MALRD1: variants seen among roughly 807,000 people sequenced by gnomAD.
MALRD1 encodes the protein MAM and LDL-receptor class A domain-containing protein 1.
In MALRD1, 247 loss-of-function variants were observed where a neutral mutation model predicts 242.1. The observed-to-expected ratio is 1.02, with a 90% CI of 0.92 to 1.13. The LOEUF is 1.13. MALRD1 is among the 50% of genes most tolerant of loss of function. MALRD1 has a pLI of 0.00. For synonymous variants in MALRD1, 995 were observed against 866.6 expected (o/e 1.15, Z -2.60); for missense variants, 2,989 against 2,533.1 (o/e 1.18, Z -3.86).
intron 32 of MALRD1, among the ~76,000 whole-genome samples, chr10:19,537,463 A>C (rs1472119616): frequency 2.6e-5 from 4 of 152,160 alleles, no homozygotes; most frequent in Non-Finnish European, 5.9e-5. Flanking sequence ...TTGTGACTTC[A>C]CATGATGGAA....
chr10:19,566,819 T>G (rs1422950291), intron 32 of MALRD1, among the ~76,000 whole-genome samples: 1 of 152,006 alleles, frequency 6.6e-6, no homozygotes, highest in Non-Finnish European at 1.5e-5. Flanking sequence ...TAATCTTAAC[T>G]TTTTTCTCAA....
intron 9 of MALRD1, among the ~76,000 whole-genome samples, chr10:19,134,676 C>T (rs1388119976): frequency 6.6e-6 from 1 of 152,178 alleles, no homozygotes; most frequent in Non-Finnish European, 1.5e-5. Context: ...CATTTTGACA[C>T]TATTTAATTT....
chr10:19,718,841 A>T (rs1328022668), intron 38 of MALRD1, among the ~76,000 whole-genome samples: 2 of 151,922 alleles, frequency 1.3e-5, no homozygotes, highest in Non-Finnish European at 2.9e-5. Flanking sequence ...GACTGACTCC[A>T]GTAATTTTAC....
chr10:19,325,756 A>G (rs1305451411), intron 22 of MALRD1, among the ~76,000 whole-genome samples: 1 of 152,102 alleles, frequency 6.6e-6, no homozygotes, highest in Non-Finnish European at 1.5e-5. Context: ...TCCCCCTTTT[A>G]AATACTATTA....
At chr10:19,722,585 G>T (rs1834812272) in intron 38 of MALRD1, 1 of 22,082 alleles carries the variant, frequency 4.5e-5, no homozygotes, top group East Asian at 1.4e-3. Context: ...GCAAGACCAT[G>T]TCTCTAAAAA....
intron 29 of MALRD1, among the ~76,000 whole-genome samples, chr10:19,451,116 A>G (rs17792651): frequency 0.091 from 13,895 of 152,286 alleles, 693 homozygotes; most frequent in South Asian, 0.11. Context: ...TCTAACATGG[A>G]TAATTTTTCC....
chr10:19,252,012 A>G (rs1322388460), intron 18 of MALRD1, among the ~76,000 whole-genome samples: 1 of 151,990 alleles, frequency 6.6e-6, no homozygotes, highest in Non-Finnish European at 1.5e-5. Flanking sequence ...CTCCCAAGCC[A>G]TGCTTACTGT....
chr10:19,290,389 T>A (rs1841356153), intron 21 of MALRD1: 1 of 152,226 alleles, frequency 6.6e-6, no homozygotes, highest in South Asian at 2.1e-4. Flanking sequence ...TTTCTCCTGC[T>A]CAGCAGGGCT....
intron 36 of MALRD1, among the ~76,000 whole-genome samples, chr10:19,682,309 A>G (rs1842407063): frequency 6.6e-6 from 1 of 151,916 alleles, no homozygotes; most frequent in African/African-American, 2.4e-5. Context: ...TCCAGGTGTT[A>G]GTGAGTAATG....
At chr10:19,059,930 G>C (rs1200584260) in intron 1 of MALRD1, among the ~76,000 whole-genome samples, 1 of 152,096 alleles carries the variant, frequency 6.6e-6, no homozygotes. Flanking sequence ...TTTAATCAGA[G>C]TAAGGAAATT....
At chr10:19,587,690 A>G (rs1193873988) in intron 33 of MALRD1, among the ~76,000 whole-genome samples, 3 of 152,228 alleles carry the variant, frequency 2.0e-5, no homozygotes, top group Non-Finnish European at 4.4e-5. Context: ...AAACACCTAC[A>G]ATATCAGGAA....
At chr10:19,322,234 A>T (rs1251543185) in intron 21 of MALRD1, among the ~76,000 whole-genome samples, 1 of 152,150 alleles carries the variant, frequency 6.6e-6, no homozygotes, top group Non-Finnish European at 1.5e-5. Context: ...AAGTATATAC[A>T]TCTTTGTTCT....
At chr10:19,270,336 TCACACACA>T (rs200537040) in intron 19 of MALRD1, among the ~76,000 whole-genome samples, 11,370 of 130,858 alleles carry the variant, frequency 0.087, 525 homozygotes, top group East Asian at 0.18. Flanking sequence ...TCTCTCTCTC[TCACACACA>T]CACACACACA....
At chr10:19,380,404 C>T in intron 26 of MALRD1, among the ~76,000 whole-genome samples, 1 of 151,772 alleles carries the variant, frequency 6.6e-6, no homozygotes, top group Non-Finnish European at 1.5e-5. Context: ...CACCTATTGG[C>T]CCTAAGTGAT....
intron 19 of MALRD1, among the ~76,000 whole-genome samples, chr10:19,262,384 G>A (rs35545516): frequency 4.0e-5 from 6 of 151,856 alleles, no homozygotes; most frequent in African/African-American, 9.7e-5. Context: ...GGCCGGGCCC[G>A]GTGGCTCATG....
rs994982499 is a variant in MALRD1, at chr10:19,538,871, C to T, written c.5478+7520C>T. Reference sequence around the variant, plus strand: ...TATGGGATTCCGGAAACCGATAGTTCGTATTTCAGAACAAGTAGCCTATGG... The same window carrying T: ...TATGGGATTCCGGAAACCGATAGTTTGTATTTCAGAACAAGTAGCCTATGG... On this transcript the variant is annotated intron_variant, in intron 32 of 39. Transcript: ENST00000454679. 4.0e-5 allele frequency among the ~76,000 whole-genome samples: 6 copies of T among 151,702 alleles called. No individual in the cohort carries two copies. In the East Asian group the frequency reaches 5.8e-4, roughly 15 times the overall value.
chr10:19,397,029 A>G (rs1846614631), intron 28 of MALRD1, among the ~76,000 whole-genome samples: 1 of 152,228 alleles, frequency 6.6e-6, no homozygotes, highest in Non-Finnish European at 1.5e-5. Context: ...ATACATGTAT[A>G]CATTGTGTAA....
At chr10:19,447,702 A>C (rs1307941095) in intron 28 of MALRD1, among the ~76,000 whole-genome samples, 3 of 152,166 alleles carry the variant, frequency 2.0e-5, no homozygotes, top group African/African-American at 7.2e-5. Context: ...GGCTTTTGTC[A>C]ATATCCAGCC....
intron 4 of MALRD1, among the ~76,000 whole-genome samples, chr10:19,099,485 A>G (rs537984165): frequency 6.6e-6 from 1 of 152,154 alleles, no homozygotes; most frequent in South Asian, 2.1e-4. Context: ...AATTTGTTTC[A>G]TGTTCACTGT....
Sources: allele counts gnomAD v4.1 joint callset (sites outside exome capture counted in the v4.1 genomes callset), GRCh38; gene constraint gnomAD v4.1.1; transcripts MANE v1.5; gene names NCBI Gene and HGNC (gene_info 2026-07-23, HGNC 2026-07-21).